The following DCLK1 variants were observed in gnomAD, a reference collection of about 807,000 sequenced individuals.
The protein encoded by DCLK1 is doublecortin like kinase 1.
Under a neutral mutation model 86.2 loss-of-function variants are expected in DCLK1, and 16 were observed. The ratio of observed to expected loss-of-function variants is 0.19; its 90% CI spans 0.13 to 0.28. DCLK1 has a LOEUF of 0.28. Ranked by LOEUF, DCLK1 falls within the 10% of genes least tolerant of loss-of-function variation. DCLK1 has a pLI of 1.00. For missense variants in DCLK1, 590 were observed against 940.2 expected (o/e 0.63, Z 4.87); for synonymous variants, 369 against 370.5 (o/e 1.00, Z 0.05).
chr13:35,827,388 A>T (rs1464458991), intron 10 of DCLK1, among the ~76,000 whole-genome samples: 1 of 152,192 alleles, frequency 6.6e-6, no homozygotes, highest in African/African-American at 2.4e-5. Context: ...GATATTATTA[A>T]TATTCTCACT....
chr13:35,911,373 C>T (rs979138036), intron 4 of DCLK1, among the ~76,000 whole-genome samples: 2 of 152,080 alleles, frequency 1.3e-5, no homozygotes, highest in African/African-American at 4.8e-5. Flanking sequence ...ATTGCTGCTC[C>T]AAGCAATGGC....
At position 35,970,764 on chromosome 13, in the gene DCLK1, C is replaced by T. The variant is rs59179652; in HGVS notation, c.724-23307G>A. Among the ~76,000 whole-genome samples, 565 of 152,254 alleles carry T rather than the reference C, an allele frequency of 3.7e-3. 3 individuals carry two copies. The highest frequency in any genetic ancestry group is 0.013 in the African/African-American group (530 of 41,540). On this transcript the variant is annotated intron_variant, in intron 3 of 16. Transcript: ENST00000360631. ...TTTCTATTCTTTATAAATTACTCAG[C>T]CTCGGGTATTCTGTTATAGCAGCAT...
At chr13:35,875,571 G>A (rs2153115486) in intron 4 of DCLK1, among the ~76,000 whole-genome samples, 1 of 152,302 alleles carries the variant, frequency 6.6e-6, no homozygotes, top group Admixed American at 6.5e-5. Context: ...CTTATCAGAA[G>A]AAATGTAGGT....
At chr13:35,895,620 G>C (rs1207325770) in intron 4 of DCLK1, among the ~76,000 whole-genome samples, 2 of 151,948 alleles carry the variant, frequency 1.3e-5, no homozygotes, top group Non-Finnish European at 2.9e-5. Context: ...CATGTGGGTA[G>C]CTATCTCTAT....
intron 3 of DCLK1, among the ~76,000 whole-genome samples, chr13:36,070,289 T>C (rs912136709): frequency 1.3e-5 from 2 of 152,162 alleles, no homozygotes; most frequent in Non-Finnish European, 2.9e-5. Context: ...TCTCACGGGA[T>C]GGTTCTGAGA....
At chr13:35,830,901 T>C (rs189660806) in intron 8 of DCLK1, among the ~76,000 whole-genome samples, 18 of 152,340 alleles carry the variant, frequency 1.2e-4, no homozygotes, top group African/African-American at 4.3e-4. Flanking sequence ...TTTGATGCTC[T>C]TTTCCCTTGA....
intron 4 of DCLK1, among the ~76,000 whole-genome samples, chr13:35,938,387 T>C (rs909076311): frequency 7.2e-5 from 11 of 152,220 alleles, no homozygotes; most frequent in Middle Eastern, 6.8e-3. Context: ...CCCAGCACTT[T>C]GGGAGGCCAA....
At chr13:36,092,385 T>G (rs1359434540) in intron 3 of DCLK1, among the ~76,000 whole-genome samples, 1 of 152,182 alleles carries the variant, frequency 6.6e-6, no homozygotes, top group Non-Finnish European at 1.5e-5. Context: ...AATAGCTGAA[T>G]AGCTGTTAGT....
At chr13:36,048,364 T>C (rs191748518) in intron 3 of DCLK1, among the ~76,000 whole-genome samples, 154 of 152,296 alleles carry the variant, frequency 1.0e-3, no homozygotes, top group African/African-American at 3.6e-3. Flanking sequence ...AACTATTATA[T>C]ATATTGACAG....
In DCLK1 at chr13:35,919,019, A is replaced by T. The variant is rs116078235; in HGVS notation, c.823+28339T>A. 6.3e-3 allele frequency among the ~76,000 whole-genome samples: 946 copies of T among 151,038 alleles called. 9 individuals carry two copies. The highest frequency in any genetic ancestry group is 0.022 in the African/African-American group (901 of 41,080). On this transcript the variant is annotated intron_variant, in intron 4 of 16. Coordinates refer to ENST00000360631, the MANE Select transcript of DCLK1 (RefSeq NM_001330071.2). Reference sequence around the variant, plus strand: ...CCAGTTCAAGCAATTCTCCTGCCTCAGCCTTCTGGGTAGCTGTGGTTACAG... The same window carrying T: ...CCAGTTCAAGCAATTCTCCTGCCTCTGCCTTCTGGGTAGCTGTGGTTACAG...
intron 5 of DCLK1, among the ~76,000 whole-genome samples, chr13:35,867,915 A>AAGAG (rs1871941229): frequency 9.5e-6 from 1 of 105,526 alleles, no homozygotes; most frequent in Non-Finnish European, 2.0e-5. Context: ...AAGAAAAAGA[A>AAGAG]AGAAAGAAAG....
intron 1 of DCLK1, among the ~76,000 whole-genome samples, chr13:36,127,815 A>G (rs1886242297): frequency 6.6e-6 from 1 of 152,122 alleles, no homozygotes; most frequent in Non-Finnish European, 1.5e-5. Context: ...ATCCTTGCTG[A>G]GGGGTTGGTT....
intron 3 of DCLK1, among the ~76,000 whole-genome samples, chr13:35,999,665 C>G (rs1206530637): frequency 6.6e-6 from 1 of 152,160 alleles, no homozygotes; most frequent in Non-Finnish European, 1.5e-5. Context: ...ACAAAGAGAG[C>G]TATTATGAGG....
chr13:36,009,717 T>C (rs1426802149), intron 3 of DCLK1, among the ~76,000 whole-genome samples: 1 of 112,916 alleles, frequency 8.9e-6, no homozygotes, highest in Non-Finnish European at 1.8e-5. Flanking sequence ...GGCTCTTTTT[T>C]GGTTCCATAT....
intron 3 of DCLK1, among the ~76,000 whole-genome samples, chr13:35,989,998 G>A (rs1037823894): frequency 6.6e-6 from 1 of 152,130 alleles, no homozygotes; most frequent in African/African-American, 2.4e-5. Flanking sequence ...CACAGCTGCT[G>A]GGGTAATCAG....
intron 3 of DCLK1, among the ~76,000 whole-genome samples, chr13:36,045,132 G>GA (rs1329573187): frequency 2.0e-5 from 3 of 150,082 alleles, no homozygotes; most frequent in Non-Finnish European, 3.0e-5. Context: ...CAATAAAGTT[G>GA]AAAAAATGTT....
At position 35,921,893 on chromosome 13, in the gene DCLK1, T is replaced by A. The variant is rs138523168; in HGVS notation, c.823+25465A>T. On this transcript the variant is annotated intron_variant, in intron 4 of 16. Coordinates refer to ENST00000360631, the MANE Select transcript of DCLK1 (RefSeq NM_001330071.2). Reference sequence around the variant, plus strand: ...CCCCAGGAGCTGGGAGGAAATGGTGTCAATGACACAGCTGGATGTCTGGAC... The same window carrying A: ...CCCCAGGAGCTGGGAGGAAATGGTGACAATGACACAGCTGGATGTCTGGAC... Among the ~76,000 whole-genome samples the A allele has an allele frequency of 5.6e-4, 86 of 152,294 alleles. 1 individual carries two copies. The highest frequency in any genetic ancestry group is 1.9e-3 in the African/African-American group (80 of 41,556).
chr13:35,958,849 T>G (rs1878292942), intron 3 of DCLK1, among the ~76,000 whole-genome samples: 2 of 152,240 alleles, frequency 1.3e-5, no homozygotes, highest in Admixed American at 6.5e-5. Context: ...AGATGCTTGT[T>G]CTTCCAAAAA....
chr13:35,830,442 A>G (rs1868863448), intron 8 of DCLK1, among the ~76,000 whole-genome samples: 1 of 152,178 alleles, frequency 6.6e-6, no homozygotes, highest in Non-Finnish European at 1.5e-5. Context: ...ACGTGTGAAG[A>G]GATTCTTCAT....
Sources: allele counts gnomAD v4.1 joint callset (sites outside exome capture counted in the v4.1 genomes callset), GRCh38; gene constraint gnomAD v4.1.1; transcripts MANE v1.5; gene names NCBI Gene and HGNC (gene_info 2026-07-23, HGNC 2026-07-21).